The following RFC1 variants were observed in gnomAD, a reference collection of about 807,000 sequenced individuals.
RFC1 encodes the protein A1 140 kDa subunit.
A neutral mutation model predicts 137.4 loss-of-function variants in RFC1; 37 were observed. That is an observed-to-expected ratio of 0.27 (90% CI 0.21 to 0.35). The LOEUF is 0.35. Ranked by LOEUF, RFC1 falls within the 10% of genes least tolerant of loss-of-function variation. RFC1 has a pLI of 1.00. For missense variants in RFC1, 1,205 were observed against 1,358.5 expected (o/e 0.89, Z 1.78); for synonymous variants, 429 against 455.7 (o/e 0.94, Z 0.75).
At chr4:39,308,301 T>C (rs1247400936) in intron 13 of RFC1, among the ~76,000 whole-genome samples, 1 of 152,168 alleles carries the variant, frequency 6.6e-6, no homozygotes, top group Non-Finnish European at 1.5e-5. Context: ...AGCTTAGCCA[T>C]CCCTTCCTCT....
At position 39,288,560 on chromosome 4, in the gene RFC1, C is replaced by A. The variant is rs974318358; in HGVS notation, c.*201G>T. 3.6e-5 allele frequency: 18 copies of A among 503,390 alleles called. No homozygotes were observed. The highest frequency in any genetic ancestry group is 5.3e-5 in the Non-Finnish European group (15 of 281,914). 31.2% of individuals were successfully genotyped at this position (503,390 alleles called of 1,614,324 possible). A position where few individuals can be genotyped will look rare whatever the true frequency, so the allele number is the denominator to read the frequency against. On this transcript the variant is annotated 3_prime_UTR_variant, in exon 25 of 25. Transcript: ENST00000349703. Reference sequence around the variant, plus strand: ...GAGGACAGTGGAGGACCCAAGCAGTCCTATCAACCTCTATAAGAGGTGTAC... The same window carrying A: ...GAGGACAGTGGAGGACCCAAGCAGTACTATCAACCTCTATAAGAGGTGTAC...
chr4:39,352,661 C>A (rs1741266299), intron 1 of RFC1, among the ~76,000 whole-genome samples: 1 of 152,108 alleles, frequency 6.6e-6, no homozygotes, highest in East Asian at 1.9e-4. Context: ...CAATTCTGGC[C>A]CAGTAAAAAT....
Position 39,365,540 on chromosome 4 carries a change from G to A in RFC1, c.3+699C>T, listed in dbSNP as rs971923510. 45 of 968,282 alleles carry A rather than the reference G, an allele frequency of 4.6e-5. No homozygotes were observed. The African/African-American group carries it at 7.6e-4, about 16-fold the overall frequency. The allele number at this position is 968,282 out of a possible 1,614,324, so 60.0% of individuals were successfully genotyped here. Reference sequence around the variant, plus strand: ...TGAACATTTTATCCAGAATTATGCAGTGAGGCTTGGGTTTTTTTCAGATTT... The same window carrying A: ...TGAACATTTTATCCAGAATTATGCAATGAGGCTTGGGTTTTTTTCAGATTT... On this transcript the variant is annotated intron_variant, in intron 1 of 24. Transcript: ENST00000349703.
rs576830563 is a variant in RFC1, at chr4:39,364,948, T to A, written c.3+1291A>T. Among the ~76,000 whole-genome samples, 8 of 151,998 alleles carry A rather than the reference T, an allele frequency of 5.3e-5. No individual in the cohort carries two copies. In the South Asian group the frequency reaches 1.7e-3, roughly 32 times the overall value. On this transcript the variant is annotated intron_variant, in intron 1 of 24. Transcript: ENST00000349703. ...TTACCACGTTCTTCATCTTCAAGAC[T>A]CCAAGTCTCAAGCTTCCAAAATACC...
In RFC1 at chr4:39,295,624, T is replaced by C. The variant is rs758624735; in HGVS notation, c.2944A>G (p.Met982Val). 3 of 1,608,002 alleles carry C rather than the reference T, an allele frequency of 1.9e-6. No individual in the cohort carries two copies. The highest frequency in any genetic ancestry group is 8.5e-7 in the Non-Finnish European group (1 of 1,176,918). Reference sequence around the variant, plus strand: ...AGTAATCCCACCTACCTGAGACTCATATGCAAGGCCAGGTCCTGAACAATA... The same window carrying C: ...AGTAATCCCACCTACCTGAGACTCACATGCAAGGCCAGGTCCTGAACAATA... ...DRIVQDLALHMSLRTYSSKRT... is the reference protein window; with the variant it reads ...DRIVQDLALHVSLRTYSSKRT... The change falls in exon 22 of 25, where the codon ATG becomes GTG. Residue 982 changes from methionine to valine, a missense_variant. Transcript: ENST00000349703.
intron 14 of RFC1, 90 bp downstream of exon 14, chr4:39,306,502 G>T: frequency 1.5e-6 from 1 of 681,310 alleles, no homozygotes; most frequent in Non-Finnish European, 2.7e-6. Context: ...ACACACACAT[G>T]CACACGCACA....
At chr4:39,351,690 G>A (rs1418550187) in intron 1 of RFC1, among the ~76,000 whole-genome samples, 10 of 152,144 alleles carry the variant, frequency 6.6e-5, no homozygotes, top group East Asian at 5.8e-4. Context: ...GGCCAGGCGC[G>A]GTGGCTCACG....
At chr4:39,329,148 A>AAAAAAAAAAAAAAAAAAAAAAAAAAC (rs1739948782) in intron 4 of RFC1, among the ~76,000 whole-genome samples, 1 of 138,548 alleles carries the variant, frequency 7.2e-6, no homozygotes, top group African/African-American at 2.5e-5. Context: ...AAAAAAAAAA[A>AAAAAAAAAAAAAAAAAAAAAAAAAAC]AAAAAGCTTT....
chr4:39,287,706 T>A lies in RFC1; in HGVS notation c.*1055A>T. 6.6e-6 allele frequency: 1 copy of A among 152,186 alleles called. No individual in the cohort carries two copies. Among genetic ancestry groups the A allele is most frequent in the East Asian group, 1.9e-4 (1 of 5,204 alleles). The allele number at this position is 152,186 out of a possible 1,614,324, so 9.4% of individuals were successfully genotyped here. A position where few individuals can be genotyped will look rare whatever the true frequency, so the allele number is the denominator to read the frequency against. On this transcript the variant is annotated 3_prime_UTR_variant, in exon 25 of 25. Transcript: ENST00000349703. ...ATAGCTAGACATCTAAATTCCAGGC[T>A]AGGTCCATAGCCTCACGGCCACTCA... is the stretch of plus-strand genomic sequence containing the variant.
chr4:39,322,278 C>T (rs1285949831), intron 7 of RFC1: 2 of 151,908 alleles, frequency 1.3e-5, no homozygotes, highest in Non-Finnish European at 2.9e-5. Flanking sequence ...TGTGGTAACA[C>T]ATGCCTGTAG....
Position 39,323,402 on chromosome 4 carries a change from G to T in RFC1, c.658C>A (p.His220Asn). 1 of 1,614,014 alleles carries T rather than the reference G, an allele frequency of 6.2e-7. No homozygotes were observed. Among genetic ancestry groups the T allele is most frequent in the Middle Eastern group, 1.7e-4 (1 of 6,058 alleles). Reference protein sequence around the residue: ...DEDAELERQLHEDEEFARTLA... With the variant: ...DEDAELERQLNEDEEFARTLA... ...GTTCTGGCAAACTCTTCATCTTCAT[G>T]CAACTGCCTCTCCAGCTGTAAAATG... The change falls in exon 7 of 25, where the codon CAT (histidine) becomes AAT (asparagine). Residue 220 changes from histidine (H) to asparagine (N), a missense_variant. Physicochemically the swap from His to Asn is moderately conservative, Grantham distance 68 (BLOSUM62 1). This residue lies in a region of RFC1 where 962 missense variants were observed against 1,035.3 expected (regional missense o/e 0.93). Coordinates refer to ENST00000349703, the MANE Select transcript of RFC1 (RefSeq NM_002913.5).
At chr4:39,309,748 G>A (rs1481382833) in intron 12 of RFC1, among the ~76,000 whole-genome samples, 1 of 152,138 alleles carries the variant, frequency 6.6e-6, no homozygotes, top group East Asian at 1.9e-4. Context: ...CAGTGCTAAT[G>A]GTTGTATACT....
intron 14 of RFC1, 92 bp downstream of exon 14, chr4:39,306,500 A>ACG: frequency 1.5e-6 from 1 of 688,776 alleles, no homozygotes; most frequent in South Asian, 1.7e-5. Context: ...ACACACACAC[A>ACG]TGCACACGCA....
At chr4:39,335,633 A>C (rs965959940) in intron 4 of RFC1, among the ~76,000 whole-genome samples, 2 of 152,196 alleles carry the variant, frequency 1.3e-5, no homozygotes, top group African/African-American at 4.8e-5. Context: ...TAAATAAGAA[A>C]AAGTGGGGGA....
chr4:39,317,103 T>C, intron 9 of RFC1, 81 bp from the exon 10 acceptor site: 1 of 812,870 alleles, frequency 1.2e-6, no homozygotes, highest in Admixed American at 2.2e-5. Context: ...GAAATAAACA[T>C]TATTTTTATT....
At position 39,303,815 on chromosome 4, in the gene RFC1, A is replaced by T. The variant is rs1488326620; in HGVS notation, c.2111-664T>A. Among the ~76,000 whole-genome samples, 5 of 152,260 alleles carry T rather than the reference A, an allele frequency of 3.3e-5. No individual in the cohort carries two copies. In the South Asian group the frequency reaches 6.2e-4, roughly 19 times the overall value. On this transcript the variant is annotated intron_variant, in intron 15 of 24. Transcript: ENST00000349703. ...TTATCTTACAGATACAGAACACTTC[A>T]TTTTTTAAGGCAATTTAATACTCCA...
chr4:39,337,482 C>T (rs1427229442), intron 4 of RFC1, among the ~76,000 whole-genome samples: 2 of 144,618 alleles, frequency 1.4e-5, no homozygotes, highest in African/African-American at 2.5e-5. Flanking sequence ...GTAACATTTA[C>T]TTAGGTAATT....
intron 24 of RFC1, 71 bp downstream of exon 24, chr4:39,289,777 G>T (rs1737567940): frequency 4.0e-6 from 4 of 1,005,354 alleles, no homozygotes; most frequent in Non-Finnish European, 6.3e-6. Flanking sequence ...TGCTGAAAAG[G>T]CCCTATTATT....
chr4:39,336,165 A>G (rs2109713582), intron 4 of RFC1, among the ~76,000 whole-genome samples: 1 of 152,338 alleles, frequency 6.6e-6, no homozygotes, highest in Admixed American at 6.5e-5. Flanking sequence ...ACAAATTACC[A>G]AAAAAGATTA....
Sources: allele counts gnomAD v4.1 joint callset (sites outside exome capture counted in the v4.1 genomes callset), GRCh38; gene constraint gnomAD v4.1.1; regional missense constraint gnomAD v4.1.1; transcripts MANE v1.5; gene names NCBI Gene and HGNC (gene_info 2026-07-23, HGNC 2026-07-21).